PLCB1: variants seen among roughly 807,000 people sequenced by gnomAD.
The protein encoded by PLCB1 is 1-phosphatidylinositol 4,5-bisphosphate phosphodiesterase beta-1.
Under a neutral mutation model 161.8 loss-of-function variants are expected in PLCB1, and 46 were observed. The ratio of observed to expected loss-of-function variants is 0.28; its 90% CI spans 0.22 to 0.36. PLCB1 has a LOEUF of 0.36. Ranked by LOEUF, PLCB1 falls within the 10% of genes least tolerant of loss-of-function variation. The probability of loss-of-function intolerance (pLI) is 1.00; values close to 1 mark genes in which losing one functional copy is unlikely to be tolerated. For synonymous variants in PLCB1, 517 were observed against 503.7 expected (o/e 1.03, Z -0.35); for missense variants, 1,016 against 1,472.5 (o/e 0.69, Z 5.07).
chr20:8,796,814 T>C (rs998887608), intron 31 of PLCB1, among the ~76,000 whole-genome samples: 5 of 152,200 alleles, frequency 3.3e-5, no homozygotes, highest in African/African-American at 1.2e-4. Context: ...CTAATAGACT[T>C]TTAAACACAT....
intron 3 of PLCB1, among the ~76,000 whole-genome samples, chr20:8,392,384 T>C (rs1328894195): frequency 1.3e-5 from 2 of 152,112 alleles, no homozygotes; most frequent in African/African-American, 4.8e-5. Context: ...TTTCTGTAAA[T>C]ATTTCCCACC....
intron 3 of PLCB1, among the ~76,000 whole-genome samples, chr20:8,513,378 A>G (rs1983973708): frequency 6.6e-6 from 1 of 152,250 alleles, no homozygotes; most frequent in African/African-American, 2.4e-5. Context: ...CACACACAGC[A>G]AAAGCAATCT....
At chr20:8,717,937 T>A (rs1333854257) in intron 14 of PLCB1, 89 bp downstream of exon 14, 1 of 1,152,392 alleles carries the variant, frequency 8.7e-7, no homozygotes, top group East Asian at 2.7e-5. Flanking sequence ...ATGCCTGTAA[T>A]ACTACTACTT....
chr20:8,367,377 G>C (rs1471426031), intron 2 of PLCB1, among the ~76,000 whole-genome samples: 2 of 152,142 alleles, frequency 1.3e-5, no homozygotes, highest in Non-Finnish European at 2.9e-5. Flanking sequence ...AGATTCTCAG[G>C]CCTGCCTCAG....
chr20:8,331,066 CAT>C lies in PLCB1; in HGVS notation c.178-40315_178-40314del, dbSNP rs895216020. On this transcript the variant is annotated intron_variant, in intron 2 of 31. Coordinates refer to ENST00000338037, the MANE Select transcript of PLCB1 (RefSeq NM_015192.4). The stretch of plus-strand genomic sequence containing the variant: ...ACACATGCACAGATATACACAGACT[CAT>C]GTGTACACACTGCACTGTGTAAAGG... Among the ~76,000 whole-genome samples, 25 of 152,328 alleles carry C rather than the reference CAT, an allele frequency of 1.6e-4. 1 individual carries two copies. Among genetic ancestry groups the C allele is most frequent in the Middle Eastern group, 3.4e-3 (1 of 294 alleles).
At chr20:8,299,478 T>C (rs1983796050) in intron 2 of PLCB1, among the ~76,000 whole-genome samples, 1 of 152,152 alleles carries the variant, frequency 6.6e-6, no homozygotes, top group African/African-American at 2.4e-5. Context: ...CTCAAGGGCA[T>C]ATCATTCAAT....
chr20:8,417,147 C>T (rs1247909435), intron 3 of PLCB1, among the ~76,000 whole-genome samples: 4 of 118,610 alleles, frequency 3.4e-5, no homozygotes, highest in Middle Eastern at 9.4e-3. Flanking sequence ...AGTGCAGTGG[C>T]GCAATCTCGG....
rs542434465 is a variant in PLCB1, at chr20:8,424,228, C to T, written c.246+52778C>T. On this transcript the variant is annotated intron_variant, in intron 3 of 31. Transcript: ENST00000338037. The stretch of plus-strand genomic sequence containing the variant: ...GAGTTACGAGATAAGCCACACAGAG[C>T]AGAGCAAGAGTGTACAATACTGAAA... Among the ~76,000 whole-genome samples the T allele has an allele frequency of 3.0e-4, 46 of 152,226 alleles. 1 individual carries two copies. In the South Asian group the frequency reaches 5.8e-3, roughly 19 times the overall value.
At chr20:8,455,603 G>A (rs1981280115) in intron 3 of PLCB1, among the ~76,000 whole-genome samples, 1 of 151,534 alleles carries the variant, frequency 6.6e-6, no homozygotes, top group Admixed American at 6.6e-5. Flanking sequence ...ACCACGCCCG[G>A]CTAATTTTTT....
chr20:8,544,403 A>C (rs1045920335), intron 3 of PLCB1, among the ~76,000 whole-genome samples: 1 of 152,186 alleles, frequency 6.6e-6, no homozygotes, highest in Non-Finnish European at 1.5e-5. Flanking sequence ...AGGATTTATG[A>C]GATAGATTCT....
intron 6 of PLCB1, 54 bp from the exon 7 acceptor site, chr20:8,649,320 G>A: frequency 2.7e-6 from 3 of 1,105,874 alleles, no homozygotes; most frequent in Middle Eastern, 2.0e-4. Context: ...ATCTGTTAGT[G>A]CTGTGATCCA....
At chr20:8,585,303 C>T (rs1986956772) in intron 3 of PLCB1, among the ~76,000 whole-genome samples, 2 of 152,166 alleles carry the variant, frequency 1.3e-5, no homozygotes, top group African/African-American at 4.8e-5. Context: ...ACCATGCTGT[C>T]CCATAAGCTG....
chr20:8,446,514 T>A (rs1251881601), intron 3 of PLCB1, among the ~76,000 whole-genome samples: 1 of 152,180 alleles, frequency 6.6e-6, no homozygotes, highest in Non-Finnish European at 1.5e-5. Context: ...AGGGATGCCC[T>A]CTCTCACCAC....
chr20:8,305,581 A>T (rs187381725), intron 2 of PLCB1: 1 of 152,214 alleles, frequency 6.6e-6, no homozygotes, highest in Non-Finnish European at 1.5e-5. Context: ...TGGTAAAGGC[A>T]TGATGAGTCC....
chr20:8,171,611 C>A (rs1356476654), intron 2 of PLCB1, among the ~76,000 whole-genome samples: 1 of 152,116 alleles, frequency 6.6e-6, no homozygotes, highest in Non-Finnish European at 1.5e-5. Context: ...AATATTAGTA[C>A]TCCCTTAAGG....
intron 3 of PLCB1, 75 bp downstream of exon 3, chr20:8,371,525 C>A: frequency 4.0e-6 from 4 of 1,012,476 alleles, no homozygotes; most frequent in Non-Finnish European, 6.1e-6. Flanking sequence ...CAATTAATTG[C>A]CCCAATTAAA....
chr20:8,427,937 C>A (rs1979857153), intron 3 of PLCB1, among the ~76,000 whole-genome samples: 1 of 152,124 alleles, frequency 6.6e-6, no homozygotes, highest in South Asian at 2.1e-4. Context: ...GATTCTAGAA[C>A]AATACACAAA....
intron 3 of PLCB1, among the ~76,000 whole-genome samples, chr20:8,412,401 T>A (rs1979083657): frequency 6.6e-6 from 1 of 152,332 alleles, no homozygotes; most frequent in South Asian, 2.1e-4. Flanking sequence ...GACTGAGGAT[T>A]TGAGAACAAT....
At chr20:8,779,215 CT>C (rs1983084433) in intron 27 of PLCB1, among the ~76,000 whole-genome samples, 1 of 152,068 alleles carries the variant, frequency 6.6e-6, no homozygotes, top group Admixed American at 6.6e-5. Flanking sequence ...CATCCGTAAA[CT>C]TCCTGTCAGA....
Sources: allele counts gnomAD v4.1 joint callset (sites outside exome capture counted in the v4.1 genomes callset), GRCh38; gene constraint gnomAD v4.1.1; transcripts MANE v1.5; gene names NCBI Gene and HGNC (gene_info 2026-07-23, HGNC 2026-07-21).